The following CAPRIN1 variants were observed in gnomAD, a reference collection of about 807,000 sequenced individuals.
The protein encoded by CAPRIN1 is caprin-1.
In CAPRIN1, 29 loss-of-function variants were observed where a neutral mutation model predicts 100.9. That is an observed-to-expected ratio of 0.29 (90% confidence interval 0.21 to 0.39). CAPRIN1 has a LOEUF of 0.39. Ranked by LOEUF, CAPRIN1 falls within the 10% of genes least tolerant of loss-of-function variation. The probability of loss-of-function intolerance (pLI) is 1.00; values close to 1 mark genes in which losing one functional copy is unlikely to be tolerated. For synonymous variants in CAPRIN1, 338 were observed against 307.5 expected, an observed-to-expected ratio of 1.10 and a Z score of -1.04; for missense variants, 795 against 876.7, an observed-to-expected ratio of 0.91 and a Z score of 1.18.
intron 15 of CAPRIN1, among the ~76,000 whole-genome samples, chr11:34,094,645 A>C: frequency 6.6e-6 from 1 of 152,004 alleles, no homozygotes. Flanking sequence ...ATAAATACAG[A>C]AATTAGCAGG....
At chr11:34,068,844 T>C (rs1207914096) in intron 2 of CAPRIN1, among the ~76,000 whole-genome samples, 3 of 152,208 alleles carry the variant, frequency 2.0e-5, no homozygotes, top group Non-Finnish European at 4.4e-5. Context: ...TTTTAGGAGT[T>C]TGATTCTACC....
chr11:34,097,023 A>T (rs1445806399), intron 16 of CAPRIN1, among the ~76,000 whole-genome samples, 173 bp from the exon 17 acceptor site: 1 of 152,212 alleles, frequency 6.6e-6, no homozygotes, highest in Non-Finnish European at 1.5e-5. Flanking sequence ...TCTGAGGGGC[A>T]GTTAGTACTT....
At chr11:34,069,143 CTTAT>C (rs998771830) in intron 2 of CAPRIN1, among the ~76,000 whole-genome samples, 2 of 147,288 alleles carry the variant, frequency 1.4e-5, no homozygotes, top group African/African-American at 5.1e-5. Context: ...AAATTCAAAA[CTTAT>C]TTAGTTTTTT....
At chr11:34,069,412 T>C (rs1322907195) in intron 2 of CAPRIN1, among the ~76,000 whole-genome samples, 1 of 152,152 alleles carries the variant, frequency 6.6e-6, no homozygotes, top group Admixed American at 6.6e-5. Context: ...CCTCCCAAAA[T>C]GCTGGGATTA....
At chr11:34,061,742 G>A (rs1319319585) in intron 2 of CAPRIN1, among the ~76,000 whole-genome samples, 6 of 151,798 alleles carry the variant, frequency 4.0e-5, no homozygotes. Context: ...AGGCTGAGGC[G>A]GGCAGATCAC....
chr11:34,063,911 G>A (rs1590723325), intron 2 of CAPRIN1, among the ~76,000 whole-genome samples: 2 of 152,152 alleles, frequency 1.3e-5, no homozygotes, highest in East Asian at 3.9e-4. Context: ...TGTGTTTACA[G>A]GCATGTGCCA....
At chr11:34,074,515 T>C (rs1442455539) in intron 4 of CAPRIN1, among the ~76,000 whole-genome samples, 3 of 152,224 alleles carry the variant, frequency 2.0e-5, no homozygotes, top group Non-Finnish European at 4.4e-5. Context: ...TTCTTTCTTA[T>C]CTTCTTTTGC....
intron 2 of CAPRIN1, among the ~76,000 whole-genome samples, chr11:34,062,700 A>G (rs1380096082): frequency 6.6e-6 from 1 of 152,078 alleles, no homozygotes; most frequent in African/African-American, 2.4e-5. Flanking sequence ...TGTTTTTGCA[A>G]AAGTTGGTAC....
intron 2 of CAPRIN1, among the ~76,000 whole-genome samples, chr11:34,067,630 T>C (rs1462047398): frequency 6.6e-6 from 1 of 151,996 alleles, no homozygotes; most frequent in Non-Finnish European, 1.5e-5. Context: ...GCTAGGACCA[T>C]AGGCACTAAG....
chr11:34,067,786 A>G (rs1267115916), intron 2 of CAPRIN1, among the ~76,000 whole-genome samples: 1 of 152,170 alleles, frequency 6.6e-6, no homozygotes, highest in Non-Finnish European at 1.5e-5. Context: ...GGCCTGAGCA[A>G]CCATGCCTGG....
At chr11:34,078,683 A>G (rs983847393) in intron 6 of CAPRIN1, among the ~76,000 whole-genome samples, 8 of 151,988 alleles carry the variant, frequency 5.3e-5, no homozygotes, top group Non-Finnish European at 7.4e-5. Flanking sequence ...ATCTTTCCCT[A>G]TGCTTGTTTT....
intron 15 of CAPRIN1, among the ~76,000 whole-genome samples, chr11:34,095,366 A>T (rs1851350240): frequency 6.6e-6 from 1 of 152,252 alleles, no homozygotes; most frequent in African/African-American, 2.4e-5. Flanking sequence ...AATTTTGGGA[A>T]TATAATAAAA....
chr11:34,060,731 C>T (rs1850560345), intron 2 of CAPRIN1, among the ~76,000 whole-genome samples: 1 of 151,940 alleles, frequency 6.6e-6, no homozygotes. Context: ...AAAGCTTGCT[C>T]ATGTAGCAGG....
At chr11:34,072,701 G>C (rs755242864) in intron 4 of CAPRIN1, among the ~76,000 whole-genome samples, 5 of 152,194 alleles carry the variant, frequency 3.3e-5, no homozygotes, top group African/African-American at 1.2e-4. Flanking sequence ...AGCAAAGTCA[G>C]ATAATTTGTT....
At chr11:34,058,815 C>T (rs1435466349) in intron 2 of CAPRIN1, among the ~76,000 whole-genome samples, 1 of 152,126 alleles carries the variant, frequency 6.6e-6, no homozygotes, top group Non-Finnish European at 1.5e-5. Flanking sequence ...GACTCTACTC[C>T]AGCTTGGTAT....
chr11:34,076,059 A>G (rs1056872219), intron 4 of CAPRIN1, among the ~76,000 whole-genome samples, 177 bp from the exon 5 acceptor site: 1 of 152,094 alleles, frequency 6.6e-6, no homozygotes, highest in Non-Finnish European at 1.5e-5. Context: ...ATTTTTAACA[A>G]TTGCTTAAAA....
chr11:34,065,018 G>T (rs940542007), intron 2 of CAPRIN1, among the ~76,000 whole-genome samples: 2 of 149,062 alleles, frequency 1.3e-5, no homozygotes, highest in African/African-American at 5.0e-5. Flanking sequence ...GGAGTGCAGG[G>T]GCGCTATCTC....
rs61880369 is a variant in CAPRIN1 at position 34,055,277 on chromosome 11, C to A, written c.216+2641C>A. Among the ~76,000 whole-genome samples the A allele has an allele frequency of 3.5e-3, 531 of 152,218 alleles. 1 individual carries two copies. The highest frequency in any genetic ancestry group is 0.01 in the Middle Eastern group (3 of 294). ...CTCCCGGGTTCAAGTGATCCTCCCG[C>A]TTCAGCCTCCTAAGTAGCTGTGATT... On this transcript the variant is annotated intron_variant, in intron 2 of 18. Coordinates refer to ENST00000341394, the MANE Select transcript of CAPRIN1 (RefSeq NM_005898.5).
intron 2 of CAPRIN1, among the ~76,000 whole-genome samples, chr11:34,057,875 C>T (rs868660166): frequency 9.6e-4 from 146 of 151,996 alleles, no homozygotes; most frequent in Middle Eastern, 3.4e-3. Context: ...CCCGCCACCA[C>T]GCCCGGCTAA....
Sources: allele counts gnomAD v4.1 joint callset (sites outside exome capture counted in the v4.1 genomes callset), GRCh38; gene constraint gnomAD v4.1.1; transcripts MANE v1.5; gene names NCBI Gene and HGNC (gene_info 2026-07-23, HGNC 2026-07-21).